PPT1: variants seen among roughly 807,000 people sequenced by gnomAD.
PPT1 encodes ceroid-palmitoyl-palmitoyl-protein thioesterase 1.
PPT1 carries 24 observed loss-of-function variants against 44.0 expected under a neutral mutation model. The ratio of observed to expected loss-of-function variants is 0.54; its 90% CI spans 0.39 to 0.77. PPT1 has a LOEUF of 0.77. PPT1 is among the 30% of genes least tolerant of loss of function. The pLI is 0.00. For missense variants in PPT1, 341 were observed against 378.8 expected (o/e 0.90, Z 0.83); for synonymous variants, 148 against 140.2 (o/e 1.06, Z -0.39).
intron 1 of PPT1, among the ~76,000 whole-genome samples, chr1:40,092,787 G>GGCACGTGAAAA (rs1649639358): frequency 6.6e-6 from 1 of 151,572 alleles, no homozygotes; most frequent in Admixed American, 6.6e-5. Flanking sequence ...GCTAACCACT[G>GGCACGTGAAAA]GCATGTGAAA....
At chr1:40,081,788 T>C (rs1476323953) in intron 5 of PPT1, among the ~76,000 whole-genome samples, 1 of 151,954 alleles carries the variant, frequency 6.6e-6, no homozygotes, top group Admixed American at 6.6e-5. Flanking sequence ...TAGAGTGGGG[T>C]GCTGCTGAAA....
At chr1:40,087,586 C>T (rs1015742843) in intron 5 of PPT1, among the ~76,000 whole-genome samples, 13 of 152,004 alleles carry the variant, frequency 8.6e-5, no homozygotes, top group Non-Finnish European at 1.8e-4. Flanking sequence ...CGACGGACTG[C>T]TCACTTAGCA....
chr1:40,094,477 A>AC (rs553797676), intron 1 of PPT1, among the ~76,000 whole-genome samples: 174 of 151,714 alleles, frequency 1.1e-3, no homozygotes, highest in African/African-American at 4.1e-3. Flanking sequence ...GGAGTTTGGG[A>AC]CCCCCGCTCT....
At chr1:40,092,704 A>G (rs1649636196) in intron 1 of PPT1, among the ~76,000 whole-genome samples, 197 bp from the exon 2 acceptor site, 1 of 152,232 alleles carries the variant, frequency 6.6e-6, no homozygotes, top group South Asian at 2.1e-4. Flanking sequence ...TTACAACTCA[A>G]CAAAAAGATA....
chr1:40,097,063 G>A, intron 1 of PPT1, 52 bp downstream of exon 1: 1 of 1,613,854 alleles, frequency 6.2e-7, no homozygotes, highest in Non-Finnish European at 8.5e-7. Context: ...TGCGAACCCA[G>A]GCTAGGAAGA....
Position 40,073,713 on chromosome 1 carries a change from C to G in PPT1, c.*348G>C. 3.8e-6 allele frequency: 1 copy of G among 263,842 alleles called. No homozygotes were observed. The highest frequency in any genetic ancestry group is 4.4e-5 in the South Asian group (1 of 22,662). The allele number at this position is 263,842 out of a possible 1,614,324, so 16.3% of individuals were successfully genotyped here. A position where few individuals can be genotyped will look rare whatever the true frequency, so the allele number is the denominator to read the frequency against. ...ATGGCAAGACTTGGAAAAATGTTTG[C>G]CCTTAGAATCTATCTCACTACTTTA... On this transcript the variant is annotated 3_prime_UTR_variant, in exon 9 of 9. Transcript: ENST00000642050.
intron 1 of PPT1, among the ~76,000 whole-genome samples, chr1:40,095,158 T>TTAA (rs1214919158): frequency 7.2e-5 from 11 of 152,202 alleles, no homozygotes; most frequent in African/African-American, 2.4e-4. Flanking sequence ...TCATGACCTA[T>TTAA]CAACATTTGA....
intron 5 of PPT1, among the ~76,000 whole-genome samples, chr1:40,085,613 T>C (rs1355632319): frequency 6.6e-6 from 1 of 152,138 alleles, no homozygotes; most frequent in African/African-American, 2.4e-5. Context: ...TCAGCAGCCA[T>C]CAACACCGAG....
chr1:40,076,771 G>T, intron 8 of PPT1, 71 bp downstream of exon 8: 1 of 1,610,792 alleles, frequency 6.2e-7, no homozygotes, highest in South Asian at 1.1e-5. Flanking sequence ...CAGCACCAAA[G>T]AACATAGCAG....
At chr1:40,075,552 A>G (rs1242772824) in intron 8 of PPT1, among the ~76,000 whole-genome samples, 1 of 151,566 alleles carries the variant, frequency 6.6e-6, no homozygotes, top group Non-Finnish European at 1.5e-5. Flanking sequence ...CACCCAGTGC[A>G]AAAGAAAAGC....
At position 40,074,074 on chromosome 1, in the gene PPT1, G is replaced by A. The variant is rs1270614783; in HGVS notation, c.908C>T (p.Pro303Leu). The A allele has an allele frequency of 2.5e-6, 4 of 1,614,004 alleles. No homozygotes were observed. The Admixed American group carries it at 6.7e-5, about 27-fold the overall frequency. ...SEEWFYAHII[P>L]FLG ...ACTATACGGGTTTCATCCAAGGAAT[G>A]GTATGATGTGGGCATAAAACCATTC... is the stretch of plus-strand genomic sequence containing the variant. Residue 303 changes from proline (P) to leucine (L), a missense_variant, in exon 9 of 9, where the codon CCA (proline) becomes CTA (leucine). Physicochemically the swap from Pro to Leu is moderately conservative, Grantham distance 98 (BLOSUM62 -3). Transcript: ENST00000642050.
chr1:40,074,503 G>T (rs569135155), intron 8 of PPT1, among the ~76,000 whole-genome samples: 1 of 132,052 alleles, frequency 7.6e-6, no homozygotes, highest in East Asian at 2.3e-4. Context: ...AGTCTTGCTC[G>T]GTTGCTTAGG....
chr1:40,089,336 C>A, intron 5 of PPT1, 74 bp downstream of exon 5: 1 of 976,866 alleles, frequency 1.0e-6, no homozygotes, highest in Non-Finnish European at 1.6e-6. Flanking sequence ...GCTGGAATCA[C>A]TGTGAGCATG....
chr1:40,096,536 A>G (rs1649854897), intron 1 of PPT1, among the ~76,000 whole-genome samples: 1 of 152,142 alleles, frequency 6.6e-6, no homozygotes. Flanking sequence ...TATTTAAAAT[A>G]TTGCATAAAA....
At chr1:40,076,976 T>C in intron 7 of PPT1, 63 bp from the exon 8 acceptor site, 1 of 1,581,988 alleles carries the variant, frequency 6.3e-7, no homozygotes, top group Non-Finnish European at 8.7e-7. Flanking sequence ...CCAAAATAAT[T>C]TGAGACTGGT....
At chr1:40,075,282 A>G (rs1024342750) in intron 8 of PPT1, 1 of 151,992 alleles carries the variant, frequency 6.6e-6, no homozygotes, top group East Asian at 1.9e-4. Flanking sequence ...ACCATATCCA[A>G]CCGTTAGGTA....
chr1:40,080,007 G>T (rs542319604), intron 6 of PPT1, among the ~76,000 whole-genome samples: 1 of 152,262 alleles, frequency 6.6e-6, no homozygotes, highest in South Asian at 2.1e-4. Flanking sequence ...AACCATGTTT[G>T]TGTCTGGGAC....
At chr1:40,089,587 G>T in intron 4 of PPT1, 75 bp from the exon 5 acceptor site, 1 of 1,107,028 alleles carries the variant, frequency 9.0e-7, no homozygotes, top group Non-Finnish European at 1.4e-6. Context: ...AAGGCACTGT[G>T]AGAAACAAAA....
chr1:40,077,055 C>T (rs1648665418), intron 7 of PPT1, 142 bp from the exon 8 acceptor site: 6 of 996,574 alleles, frequency 6.0e-6, no homozygotes, highest in East Asian at 2.6e-5. Context: ...GGATAGGGTG[C>T]GTCTGAGTCA....
Sources: gnomAD v4.1 joint callset for allele counts (sites outside exome capture counted in the v4.1 genomes callset) on GRCh38, gnomAD v4.1.1 for gene constraint, MANE v1.5 for transcripts, NCBI Gene and HGNC (gene_info 2026-07-23, HGNC 2026-07-21) for gene names.